DYNC2LI1: variants seen among roughly 807,000 people sequenced by gnomAD.
The protein encoded by DYNC2LI1 is cytoplasmic dynein 2 light intermediate chain 1.
DYNC2LI1 carries 45 observed loss-of-function variants against 51.9 expected under a neutral mutation model. That is an observed-to-expected ratio of 0.87 (90% CI 0.68 to 1.11). The LOEUF (loss-of-function observed/expected upper bound fraction) is 1.11. Ranked by LOEUF, DYNC2LI1 falls within the 50% of genes most tolerant of loss-of-function variation. DYNC2LI1 has a pLI of 0.00. For missense variants in DYNC2LI1, 490 were observed against 417.4 expected, an observed-to-expected ratio of 1.17 and a Z score of -1.51; for synonymous variants, 130 against 137.8, an observed-to-expected ratio of 0.94 and a Z score of 0.40.
At chr2:43,791,615 T>C (rs1673787734) in intron 5 of DYNC2LI1, among the ~76,000 whole-genome samples, 1 of 152,204 alleles carries the variant, frequency 6.6e-6, no homozygotes, top group African/African-American at 2.4e-5. Flanking sequence ...AAATAATTCA[T>C]GGAAAAACAT....
chr2:43,818,233 C>G, the DYNC2LI1 span, among the ~76,000 whole-genome samples: 2 of 152,124 alleles, frequency 1.3e-5, no homozygotes, highest in African/African-American at 4.8e-5. Flanking sequence ...GGGCGAATCA[C>G]TTGAGGTCGA....
the DYNC2LI1 span, chr2:43,824,236 T>A: frequency 3.7e-6 from 6 of 1,614,214 alleles, no homozygotes; most frequent in Non-Finnish European, 5.1e-6. Context: ...GAACACCCAG[T>A]TTAGAGAAAA....
intron 8 of DYNC2LI1, among the ~76,000 whole-genome samples, chr2:43,797,762 CCCT>C (rs932653660): frequency 6.6e-6 from 1 of 152,022 alleles, no homozygotes; most frequent in Non-Finnish European, 1.5e-5. Context: ...TCATGATCGA[CCCT>C]CCTCGGCCTC....
At chr2:43,794,215 AT>A in intron 5 of DYNC2LI1, 2 of 377,770 alleles carry the variant, frequency 5.3e-6, no homozygotes, top group Non-Finnish European at 9.4e-6. Context: ...ACTACTTTTA[AT>A]TTTAGTTCAA....
the DYNC2LI1 span, among the ~76,000 whole-genome samples, chr2:43,823,236 T>C: frequency 6.6e-6 from 1 of 152,138 alleles, no homozygotes; most frequent in Non-Finnish European, 1.5e-5. Flanking sequence ...GAATAAGTGA[T>C]TTGAAGCACT....
chr2:43,799,952 A>C (rs1436383158), intron 8 of DYNC2LI1, among the ~76,000 whole-genome samples: 1 of 152,332 alleles, frequency 6.6e-6, no homozygotes, highest in South Asian at 2.1e-4. Context: ...TTTCTCTGAG[A>C]GCATTAAGAA....
At chr2:43,808,383 C>A (rs1572726686) in intron 12 of DYNC2LI1, among the ~76,000 whole-genome samples, 1 of 152,050 alleles carries the variant, frequency 6.6e-6, no homozygotes, top group African/African-American at 2.4e-5. Flanking sequence ...TGCAATTTTT[C>A]TGAAAATTAG....
At chr2:43,826,972 G>A in the DYNC2LI1 span, among the ~76,000 whole-genome samples, 1 of 152,230 alleles carries the variant, frequency 6.6e-6, no homozygotes, top group Non-Finnish European at 1.5e-5. Flanking sequence ...AACAAGGCCT[G>A]AAGTGTGGCA....
chr2:43,808,822 A>T (rs568818756), intron 12 of DYNC2LI1, among the ~76,000 whole-genome samples: 75 of 152,270 alleles, frequency 4.9e-4, no homozygotes, highest in African/African-American at 1.7e-3. Context: ...CTAATTATTT[A>T]ATCAGTCCTT....
chr2:43,816,754 A>G, the DYNC2LI1 span, among the ~76,000 whole-genome samples: 1 of 152,210 alleles, frequency 6.6e-6, no homozygotes. Context: ...TGCATATTTT[A>G]TATCTTATAC....
chr2:43,824,304 T>G, the DYNC2LI1 span: 5 of 1,614,132 alleles, frequency 3.1e-6, no homozygotes, highest in Admixed American at 1.7e-5. Context: ...AGGTGTTTCA[T>G]TCTTTCAATA....
the DYNC2LI1 span, among the ~76,000 whole-genome samples, chr2:43,823,391 A>G: frequency 6.6e-6 from 1 of 151,754 alleles, no homozygotes; most frequent in South Asian, 2.1e-4. Flanking sequence ...CTCTAGAGCA[A>G]CTTCACAATA....
chr2:43,811,036 G>A (rs1356702892), downstream of DYNC2LI1, among the ~76,000 whole-genome samples: 2 of 152,186 alleles, frequency 1.3e-5, no homozygotes, highest in Non-Finnish European at 2.9e-5. Context: ...TGTGATGTCA[G>A]TTTTCCAAAT....
chr2:43,826,587 G>C, the DYNC2LI1 span: 1 of 1,609,928 alleles, frequency 6.2e-7, no homozygotes, highest in Non-Finnish European at 8.5e-7. Flanking sequence ...TTAAAACTCA[G>C]AGTTCTGAAC....
chr2:43,816,915 C>T, the DYNC2LI1 span, among the ~76,000 whole-genome samples: 2 of 152,146 alleles, frequency 1.3e-5, no homozygotes, highest in East Asian at 1.9e-4. Context: ...CAAGAACTTG[C>T]ATGATTTTGT....
At chr2:43,810,175 A>G (rs1666433107), downstream of DYNC2LI1, among the ~76,000 whole-genome samples, 1 of 152,194 alleles carries the variant, frequency 6.6e-6, no homozygotes, top group Admixed American at 6.5e-5. Context: ...GCTGGGAGGA[A>G]ACCGGAATTG....
At chr2:43,788,535 G>A (rs757935681) in intron 4 of DYNC2LI1, among the ~76,000 whole-genome samples, 2 of 152,136 alleles carry the variant, frequency 1.3e-5, no homozygotes, top group Non-Finnish European at 2.9e-5. Flanking sequence ...GTGACCTGAA[G>A]TGTCTTCAGT....
the DYNC2LI1 span, chr2:43,822,912 C>G: frequency 5.0e-6 from 8 of 1,613,948 alleles, no homozygotes; most frequent in Admixed American, 8.3e-5. Flanking sequence ...CTCTCCTGGT[C>G]GCTGACAGCT....
chr2:43,797,201 A>G (rs539187765), intron 8 of DYNC2LI1, among the ~76,000 whole-genome samples: 12 of 152,208 alleles, frequency 7.9e-5, no homozygotes, highest in Non-Finnish European at 1.8e-4. Flanking sequence ...TGTAAAAGTT[A>G]AAAACATGAA....
Sources: gnomAD v4.1 joint callset for allele counts (sites outside exome capture counted in the v4.1 genomes callset) on GRCh38, gnomAD v4.1.1 for gene constraint, MANE v1.5 for transcripts, NCBI Gene and HGNC (gene_info 2026-07-23, HGNC 2026-07-21) for gene names.